PSTK: variants seen among roughly 807,000 people sequenced by gnomAD.
PSTK encodes L-seryl-tRNA(Sec) kinase.
In PSTK, 26 loss-of-function variants were observed where a neutral mutation model predicts 38.6. That is an observed-to-expected ratio of 0.67 (90% CI 0.49 to 0.94). The LOEUF (loss-of-function observed/expected upper bound fraction) is 0.94, where lower values mean the gene tolerates loss of function less well. PSTK is among the 40% of genes least tolerant of loss of function. PSTK has a pLI of 0.00. For synonymous variants in PSTK, 181 were observed against 161.7 expected (o/e 1.12, Z -0.91); for missense variants, 445 against 436.3 (o/e 1.02, Z -0.18).
At chr10:122,990,019 C>A (rs1422082657) in intron 5 of PSTK, among the ~76,000 whole-genome samples, 155 bp from the exon 6 acceptor site, 1 of 152,212 alleles carries the variant, frequency 6.6e-6, no homozygotes, top group African/African-American at 2.4e-5. Flanking sequence ...TTGAGTATCA[C>A]ATTGAGACCT....
rs764881400 is a variant in PSTK at position 122,980,524 on chromosome 10, G to A, written c.45G>A (p.Pro15=). The A allele has an allele frequency of 3.7e-6, 6 of 1,609,060 alleles. No individual in the cohort carries two copies. Among genetic ancestry groups the A allele is most frequent in the Non-Finnish European group, 2.5e-6 (3 of 1,179,196 alleles). ...ENIRGTGSDG[P]RKRGLCVLCG... is the part of the protein sequence containing the mutation. ...TCAGAGGAACCGGCAGCGACGGGCCGCGGAAACGAGGCCTCTGCGTCCTCT... is the reference window on the plus strand; with the variant it reads ...TCAGAGGAACCGGCAGCGACGGGCCACGGAAACGAGGCCTCTGCGTCCTCT... Residue 15 remains proline (P), a synonymous_variant, in exon 1 of 6, where the codon CCG becomes CCA. Transcript: ENST00000406217. This position sits in a 1 kb window ranked among gnomAD's most constrained non-coding sequence, Gnocchi z 4.3.
intron 5 of PSTK, among the ~76,000 whole-genome samples, chr10:122,988,885 T>C (rs1400374774): frequency 6.6e-6 from 1 of 152,134 alleles, no homozygotes; most frequent in East Asian, 1.9e-4. Context: ...CATAAAAACT[T>C]GTACATGTAT....
At position 122,990,084 on chromosome 10, in the gene PSTK, T is replaced by C. The variant is rs539282961; in HGVS notation, c.878-90T>C. 4.7e-6 allele frequency: 4 copies of C among 847,348 alleles called. No individual in the cohort carries two copies. The East Asian group carries it at 8.6e-5, about 18-fold the overall frequency. The allele number at this position is 847,348 out of a possible 1,614,324, so 52.5% of individuals were successfully genotyped here. A position where few individuals can be genotyped will look rare whatever the true frequency, so the allele number is the denominator to read the frequency against. On this transcript the variant is annotated intron_variant, in intron 5 of 5. Transcript: ENST00000406217. ...TGATTGTTTATAGAATCTAACTGGTTTGTTTAATCAAATTAATTTCCTAAT... is the reference window on the plus strand; with the variant it reads ...TGATTGTTTATAGAATCTAACTGGTCTGTTTAATCAAATTAATTTCCTAAT...
intron 1 of PSTK, 195 bp from the exon 2 acceptor site, chr10:122,982,538 C>A: frequency 3.4e-6 from 2 of 582,890 alleles, no homozygotes; most frequent in Admixed American, 3.1e-5. Flanking sequence ...AAGCTTTACA[C>A]AGCACTAGTA....
chr10:122,989,918 C>G (rs1849105173), intron 5 of PSTK, among the ~76,000 whole-genome samples: 1 of 152,190 alleles, frequency 6.6e-6, no homozygotes, highest in African/African-American at 2.4e-5. Flanking sequence ...TTCTTGGCAA[C>G]AACAACAAAA....
intron 3 of PSTK, 96 bp downstream of exon 3, chr10:122,983,566 C>A: frequency 9.9e-7 from 1 of 1,011,326 alleles, no homozygotes; most frequent in Non-Finnish European, 1.4e-6. Flanking sequence ...CTCACACAGG[C>A]ATTGGAGAGA....
intron 5 of PSTK, 27 bp from the exon 6 acceptor site, chr10:122,990,143 CCAGT>C (rs1849111190): frequency 2.1e-5 from 29 of 1,410,408 alleles, no homozygotes; most frequent in Non-Finnish European, 2.7e-5. Context: ...TTAATTTACA[CCAGT>C]AATTTGAGAA....
At chr10:122,987,557 T>C in intron 5 of PSTK, 4 of 1,591,508 alleles carry the variant, frequency 2.5e-6, no homozygotes, top group East Asian at 2.2e-5. Context: ...AGCATGGAAT[T>C]TGAGTAAAGT....
Position 122,990,343 on chromosome 10 carries a change from T to C in PSTK, c.1047T>C (p.Ile349=), listed in dbSNP as rs1001300456. The C allele has an allele frequency of 8.9e-6, 13 of 1,468,134 alleles. No homozygotes were observed. In the African/African-American group the frequency reaches 1.7e-4, roughly 20 times the overall value. The allele number at this position is 1,468,134 out of a possible 1,614,324, so 90.9% of individuals were successfully genotyped here. A position where few individuals can be genotyped will look rare whatever the true frequency, so the allele number is the denominator to read the frequency against. Residue 349 remains isoleucine, a synonymous_variant, in exon 6 of 6, where the codon ATT becomes ATC. Coordinates refer to ENST00000406217, the MANE Select transcript of PSTK (RefSeq NM_001363531.2). ...ISFFHYEKDN[I]VQKYFSKQH ...TTTTTCATTATGAGAAAGATAATAT[T>C]GTACAGAAGTATTTTTCAAAGCAGC... is the stretch of plus-strand genomic sequence containing the variant.
At position 122,982,808 on chromosome 10, in the gene PSTK, T is replaced by G; in HGVS notation, c.292T>G (p.Cys98Gly). The G allele has an allele frequency of 6.2e-7, 1 of 1,614,180 alleles. No individual in the cohort carries two copies. The highest frequency in any genetic ancestry group is 8.5e-7 in the Non-Finnish European group (1 of 1,179,988). ...CTTCTTGATGGCTGTCATTAATGGG[T>G]GTCAGATGTCTGTCCCACCCAACAG... ...EYFLMAVINGCQMSVPPNRTE... is the reference protein window; with the variant it reads ...EYFLMAVINGGQMSVPPNRTE... The change falls in exon 2 of 6, where the codon TGT becomes GGT. Residue 98 changes from cysteine (C) to glycine (G), a missense_variant. Physicochemically the swap from Cys to Gly is radical, Grantham distance 159 (BLOSUM62 -3). Coordinates refer to ENST00000406217, the MANE Select transcript of PSTK (RefSeq NM_001363531.2).
rs144388528 is a variant in PSTK at position 122,986,354 on chromosome 10, T to C, written c.762T>C (p.Ala254=). Residue 254 remains alanine (A), a synonymous_variant, in exon 4 of 6, where the codon GCT becomes GCC. Transcript: ENST00000406217. The part of the protein sequence containing the change: ...LTALENPVKY[A]EDNMEQKDTD... ...CTTTGGAAAATCCAGTAAAATATGC[T>C]GAGGACAATATGGAACAAAAGGTAA... is the stretch of plus-strand genomic sequence containing the variant. 8.1e-6 allele frequency: 13 copies of C among 1,610,898 alleles called. No homozygotes were observed. The East Asian group carries it at 2.7e-4, about 33-fold the overall frequency.
intron 3 of PSTK, chr10:122,985,445 G>A (rs1293216158): frequency 6.6e-6 from 1 of 152,122 alleles, no homozygotes; most frequent in Non-Finnish European, 1.5e-5. Context: ...TATCAGCCTT[G>A]GCAAACGCAA....
In PSTK at chr10:122,987,729, G is replaced by A. The variant is rs76785103; in HGVS notation, c.877+767G>A. On this transcript the variant is annotated intron_variant, in intron 5 of 5. Coordinates refer to ENST00000406217, the MANE Select transcript of PSTK (RefSeq NM_001363531.2). Reference sequence around the variant, plus strand: ...TTTTGAGCACCTTTCTATACGTTAAGCGCTTTACAAATACTGTTTCTAATC... The same window carrying A: ...TTTTGAGCACCTTTCTATACGTTAAACGCTTTACAAATACTGTTTCTAATC... Among the ~76,000 whole-genome samples, 470 of 152,268 alleles carry A rather than the reference G, an allele frequency of 3.1e-3. 10 individuals are homozygous for A. Among genetic ancestry groups the A allele is most frequent in the Admixed American group, 0.028 (425 of 15,300 alleles).
chr10:122,980,919 T>C lies in PSTK; in HGVS notation c.216+224T>C. 7.0e-6 allele frequency: 4 copies of C among 572,578 alleles called. No homozygotes were observed. The highest frequency in any genetic ancestry group is 8.8e-6 in the Non-Finnish European group (4 of 453,004). 35.5% of individuals were successfully genotyped at this position (572,578 alleles called of 1,614,324 possible). A position where few individuals can be genotyped will look rare whatever the true frequency, so the allele number is the denominator to read the frequency against. Reference sequence around the variant, plus strand: ...GTTACAAAGCCAACTGTTAGAACGATGCATTTTAGATGCTTATCTGTATAT... The same window carrying C: ...GTTACAAAGCCAACTGTTAGAACGACGCATTTTAGATGCTTATCTGTATAT... On this transcript the variant is annotated intron_variant, in intron 1 of 5. Transcript: ENST00000406217. The surrounding 1 kb of genome is among the most constrained non-coding windows in gnomAD (Gnocchi z 4.3).
chr10:122,987,512 G>GT (rs1347170756), intron 5 of PSTK: 3 of 1,611,386 alleles, frequency 1.9e-6, no homozygotes, highest in African/African-American at 2.7e-5. Context: ...GAGGTAAGAA[G>GT]GGGGGAAAGG....
In PSTK at chr10:122,987,513, G is replaced by A. The variant is rs761905063; in HGVS notation, c.877+551G>A. On this transcript the variant is annotated intron_variant, in intron 5 of 5. Transcript: ENST00000406217. ...ATTGAGCACGGGGTGAGGTAAGAAG[G>A]GGGGAAAGGTAGTCAGGGGCCAGGT... 2.2e-5 allele frequency: 35 copies of A among 1,612,472 alleles called. No individual in the cohort carries two copies. In the African/African-American group the frequency reaches 3.1e-4, roughly 14 times the overall value.
intron 4 of PSTK, 173 bp downstream of exon 4, chr10:122,986,548 A>T: frequency 1.6e-6 from 1 of 624,578 alleles, no homozygotes; most frequent in Non-Finnish European, 2.8e-6. Context: ...CCGATTGTTA[A>T]ACTTTCAAAA....
Position 122,986,938 on chromosome 10 carries a change from T to C in PSTK, c.853T>C (p.Ser285Pro). ...TGATCAGACACTCCGAAGGATTGTA[T>C]CTCAGACAATGAAGGAAGCAAAAGG... is the stretch of plus-strand genomic sequence containing the variant. The part of the protein sequence containing the change: ...KTDQTLRRIV[S>P]QTMKEAKDEQ... The change falls in exon 5 of 6, where the codon TCT becomes CCT. Residue 285 changes from serine to proline, a missense_variant. Ser to Pro is a moderately conservative substitution (Grantham distance 74). Coordinates refer to ENST00000406217, the MANE Select transcript of PSTK (RefSeq NM_001363531.2). 6.2e-7 allele frequency: 1 copy of C among 1,611,996 alleles called. No homozygotes were observed. Among genetic ancestry groups the C allele is most frequent in the South Asian group, 1.1e-5 (1 of 90,930 alleles).
intron 2 of PSTK, 124 bp downstream of exon 2, chr10:122,983,148 A>G: frequency 8.2e-7 from 1 of 1,213,622 alleles, no homozygotes; most frequent in South Asian, 1.5e-5. Context: ...TTTAAAAGCT[A>G]GATGTTCAGT....
Sources: allele counts gnomAD v4.1 joint callset (sites outside exome capture counted in the v4.1 genomes callset), GRCh38; gene constraint gnomAD v4.1.1; non-coding constraint Gnocchi (gnomAD v3.1); transcripts MANE v1.5; gene names NCBI Gene and HGNC (gene_info 2026-07-23, HGNC 2026-07-21).